LOXHD1: variants seen among roughly 807,000 people sequenced by gnomAD.
LOXHD1 encodes lipoxygenase homology domain-containing protein 1.
LOXHD1 carries 205 observed loss-of-function variants against 248.2 expected under a neutral mutation model. The observed-to-expected ratio is 0.83, with a 90% CI of 0.74 to 0.93. The LOEUF (loss-of-function observed/expected upper bound fraction) is 0.93, where lower values mean the gene tolerates loss of function less well. Ranked by LOEUF, LOXHD1 falls within the 40% of genes least tolerant of loss-of-function variation. The pLI is 0.00. For missense variants in LOXHD1, 2,930 were observed against 2,971.6 expected, an observed-to-expected ratio of 0.99 and a Z score of 0.33; for synonymous variants, 1,113 against 1,162.8, an observed-to-expected ratio of 0.96 and a Z score of 0.87.
chr18:46,553,589 G>A (rs1426428464), intron 21 of LOXHD1, among the ~76,000 whole-genome samples: 1 of 152,200 alleles, frequency 6.6e-6, no homozygotes, highest in Non-Finnish European at 1.5e-5. Context: ...AGTATTTATG[G>A]TATGCCTGTA....
At position 46,559,620 on chromosome 18, in the gene LOXHD1, T is replaced by C. The variant is rs1383160366; in HGVS notation, c.3062-18A>G. On this transcript the variant is annotated intron_variant, in intron 19 of 40. Coordinates refer to ENST00000642948, the MANE Select transcript of LOXHD1 (RefSeq NM_001384474.1). ...GGTGTTTCCTGTAGACACAGAAAGA[T>C]GCAGTGTGGAGGGCCTCATGGCCAT... 1 of 1,550,694 alleles carries C rather than the reference T, an allele frequency of 6.4e-7. No individual in the cohort carries two copies. The highest frequency in any genetic ancestry group is 8.7e-7 in the Non-Finnish European group (1 of 1,146,238).
chr18:46,509,193 A>T (rs182736776), intron 35 of LOXHD1, among the ~76,000 whole-genome samples: 1 of 152,152 alleles, frequency 6.6e-6, no homozygotes, highest in Admixed American at 6.5e-5. Flanking sequence ...CTTCAGCCCA[A>T]CTGAGAGCTT....
chr18:46,482,993 G>C (rs1329493166), intron 40 of LOXHD1, among the ~76,000 whole-genome samples: 1 of 152,156 alleles, frequency 6.6e-6, no homozygotes, highest in Admixed American at 6.5e-5. Context: ...TGGTTACCAA[G>C]GGGTTTTAAT....
Position 46,507,536 on chromosome 18 carries a change from A to C in LOXHD1, c.5692+2T>G. ...GGGAGGTGTGAGGGACCCCCGACCC[A>C]CCCAGGATGTCGCTGGTCTTAACTG... On this transcript the variant is annotated splice_donor_variant, in intron 36 of 40. Transcript: ENST00000642948. LOFTEE classifies it high-confidence loss of function. 6.4e-7 allele frequency: 1 copy of C among 1,551,668 alleles called. No individual in the cohort carries two copies. The highest frequency in any genetic ancestry group is 8.7e-7 in the Non-Finnish European group (1 of 1,146,964).
chr18:46,656,970 C>T lies in LOXHD1; in HGVS notation c.64G>A (p.Glu22Lys). The T allele has an allele frequency of 1.3e-6, 2 of 1,551,642 alleles. No individual in the cohort carries two copies. The highest frequency in any genetic ancestry group is 1.7e-6 in the Non-Finnish European group (2 of 1,146,942). ...DIDFLALYEA[E>K]LLNYASEDDE... ...TCCTCCGAGGCGTAGTTCAGCAGCT[C>T]CGCTTCGTACAGGGCCAGGAAGTCG... Residue 22 changes from glutamate (E) to lysine (K), a missense_variant, in exon 1 of 41, where the codon GAG (glutamate) becomes AAG (lysine). Transcript: ENST00000642948.
rs1490460836 is a variant in LOXHD1, at chr18:46,522,120, C to T, written c.5066G>A (p.Gly1689Asp). Residue 1689 changes from glycine (G) to aspartate (D), a missense_variant, in exon 32 of 41, where the codon GGC becomes GAC. Gly to Asp is a moderately conservative substitution (Grantham distance 94, BLOSUM62 -1). Coordinates refer to ENST00000642948, the MANE Select transcript of LOXHD1 (RefSeq NM_001384474.1). ...EEFYVAGLDV[G>D]IIKKIELGHD... ...CAGCACCTCTATTTTCTTGATGATG[C>T]CCACATCCAAGCCTGCGACGTAGAA... is the stretch of plus-strand genomic sequence containing the variant. The T allele has an allele frequency of 1.9e-6, 3 of 1,550,422 alleles. No individual in the cohort carries two copies. Among genetic ancestry groups the T allele is most frequent in the Non-Finnish European group, 2.6e-6 (3 of 1,146,398 alleles).
chr18:46,586,578 T>A (rs1485642257), intron 12 of LOXHD1, among the ~76,000 whole-genome samples: 1 of 151,880 alleles, frequency 6.6e-6, no homozygotes, highest in African/African-American at 2.4e-5. Flanking sequence ...CCCGAGTAAC[T>A]GGGATTACAG....
chr18:46,496,379 TTTAAG>T (rs1411426625), intron 37 of LOXHD1, among the ~76,000 whole-genome samples: 1 of 152,242 alleles, frequency 6.6e-6, no homozygotes, highest in Non-Finnish European at 1.5e-5. Flanking sequence ...ATTGCTACAC[TTTAAG>T]TTAACTAAGC....
rs560052084 is a variant in LOXHD1, at chr18:46,511,929, A to G, written c.5400-2114T>C. 7.2e-5 allele frequency among the ~76,000 whole-genome samples: 11 copies of G among 152,336 alleles called. No homozygotes were observed. The East Asian group carries it at 2.1e-3, about 29-fold the overall frequency. On this transcript the variant is annotated intron_variant, in intron 34 of 40. Transcript: ENST00000642948. ...GCTTGAAATCACCTTTGAAAAAATT[A>G]TAACAGAAAATTTTGGCAGTGGAAG...
chr18:46,567,855 A>G (rs1054390825), intron 16 of LOXHD1, among the ~76,000 whole-genome samples: 1 of 152,196 alleles, frequency 6.6e-6, no homozygotes, highest in African/African-American at 2.4e-5. Context: ...CCATGCTCCC[A>G]GCCTCTTGGC....
intron 20 of LOXHD1, among the ~76,000 whole-genome samples, chr18:46,557,692 G>A (rs1294459655): frequency 6.6e-6 from 1 of 152,204 alleles, no homozygotes; most frequent in Non-Finnish European, 1.5e-5. Flanking sequence ...GTCCCTGCCA[G>A]GAGATCTTCT....
At chr18:46,536,568 T>C (rs976972664) in intron 26 of LOXHD1, among the ~76,000 whole-genome samples, 13 of 152,190 alleles carry the variant, frequency 8.5e-5, no homozygotes. Flanking sequence ...GGGGACTTCA[T>C]TGATAAAAAC....
intron 34 of LOXHD1, among the ~76,000 whole-genome samples, chr18:46,511,459 G>GC (rs1389250540): frequency 6.6e-6 from 1 of 152,156 alleles, no homozygotes; most frequent in African/African-American, 2.4e-5. Context: ...TCTAGGAAGG[G>GC]CCCCCTTTGG....
chr18:46,591,748 C>T (rs1415587251), intron 12 of LOXHD1, among the ~76,000 whole-genome samples, 185 bp downstream of exon 12: 1 of 152,210 alleles, frequency 6.6e-6, no homozygotes, highest in Non-Finnish European at 1.5e-5. Flanking sequence ...AGAGCTCCGG[C>T]ATCATGACTT....
At chr18:46,494,107 C>T (rs941781646) in intron 37 of LOXHD1, among the ~76,000 whole-genome samples, 4 of 152,190 alleles carry the variant, frequency 2.6e-5, no homozygotes, top group Middle Eastern at 3.2e-3. Flanking sequence ...GCGTTTTTTG[C>T]TTGTCCATTC....
At position 46,507,732 on chromosome 18, in the gene LOXHD1, C is replaced by T. The variant is rs576170810; in HGVS notation, c.5518-20G>A. ...TAGGATCTGGGGGAGAGGGAGCCAC[C>T]GTGGGAATGCCCTGTCCTCCCTCAC... is the stretch of plus-strand genomic sequence containing the variant. On this transcript the variant is annotated intron_variant, in intron 35 of 40. Coordinates refer to ENST00000642948, the MANE Select transcript of LOXHD1 (RefSeq NM_001384474.1). 276 of 1,542,904 alleles carry T rather than the reference C, an allele frequency of 1.8e-4. No individual in the cohort carries two copies. The highest frequency in any genetic ancestry group is 3.0e-4 in the African/African-American group (22 of 72,936).
chr18:46,502,341 C>A (rs964346641), intron 37 of LOXHD1, among the ~76,000 whole-genome samples: 2 of 152,078 alleles, frequency 1.3e-5, no homozygotes, highest in Non-Finnish European at 2.9e-5. Flanking sequence ...GGTATGGGAG[C>A]AACAGGGGAA....
chr18:46,530,884 C>T (rs2036036381), intron 28 of LOXHD1, among the ~76,000 whole-genome samples: 1 of 152,106 alleles, frequency 6.6e-6, no homozygotes, highest in Admixed American at 6.5e-5. Flanking sequence ...CCAGGTTCCA[C>T]CCATATTCCT....
intron 38 of LOXHD1, among the ~76,000 whole-genome samples, chr18:46,485,981 C>A (rs2033016914): frequency 6.6e-6 from 1 of 151,976 alleles, no homozygotes; most frequent in Non-Finnish European, 1.5e-5. Context: ...CTCTCCCTCC[C>A]CCACCCATAG....
Sources: gnomAD v4.1 joint callset for allele counts (sites outside exome capture counted in the v4.1 genomes callset) on GRCh38, gnomAD v4.1.1 for gene constraint, MANE v1.5 for transcripts, NCBI Gene and HGNC (gene_info 2026-07-23, HGNC 2026-07-21) for gene names.